Variants in ASTN2 observed in about 807,000 individuals in gnomAD.
The protein encoded by ASTN2 is astrotactin 2.
Under a neutral mutation model 139.8 loss-of-function variants are expected in ASTN2, and 54 were observed. That is an observed-to-expected ratio of 0.39 (90% confidence interval 0.31 to 0.48). The LOEUF (loss-of-function observed/expected upper bound fraction) is 0.48, where lower values mean the gene tolerates loss of function less well. Ranked by LOEUF, ASTN2 falls within the 20% of genes least tolerant of loss-of-function variation. The pLI is 0.95. For synonymous variants in ASTN2, 756 were observed against 719.5 expected, an observed-to-expected ratio of 1.05 and a Z score of -0.81; for missense variants, 1,565 against 1,725.1, an observed-to-expected ratio of 0.91 and a Z score of 1.64.
intron 19 of ASTN2, among the ~76,000 whole-genome samples, chr9:116,506,258 A>C (rs747511112): frequency 3.4e-4 from 51 of 152,162 alleles, no homozygotes; most frequent in Non-Finnish European, 6.5e-4. Context: ...CACACTTTAC[A>C]TGTGAATAAA....
intron 5 of ASTN2, among the ~76,000 whole-genome samples, chr9:117,055,689 A>G (rs192431174): frequency 1.3e-5 from 2 of 152,350 alleles, no homozygotes; most frequent in Admixed American, 1.3e-4. Flanking sequence ...GTCTTCGAGT[A>G]CATGGACGTG....
intron 12 of ASTN2, 33 bp downstream of exon 12, chr9:116,820,584 T>C (rs1172505729): frequency 2.5e-6 from 4 of 1,602,518 alleles, no homozygotes; most frequent in Admixed American, 1.7e-5. Context: ...CTTCTGTAAA[T>C]GGGGCACCTG....
chr9:116,738,486 A>T (rs1829005825), intron 13 of ASTN2, among the ~76,000 whole-genome samples: 3 of 152,146 alleles, frequency 2.0e-5, no homozygotes, highest in Non-Finnish European at 2.9e-5. Context: ...AAGAAAAAAA[A>T]AAAAAGACTA....
Position 117,087,289 on chromosome 9 carries a change from C to A in ASTN2, c.1276+8755G>T, listed in dbSNP as rs930676867. On this transcript the variant is annotated intron_variant, in intron 5 of 22. Coordinates refer to ENST00000313400, the MANE Select transcript of ASTN2 (RefSeq NM_001365068.1). ...TCACTCTGATGCCCAGTCTTTAGTG[C>A]AGAGGTGCAATCATGGCTCACTGCA... 5.9e-5 allele frequency among the ~76,000 whole-genome samples: 9 copies of A among 151,842 alleles called. No homozygotes were observed. The South Asian group carries it at 1.9e-3, about 32-fold the overall frequency.
chr9:116,773,414 A>T (rs1429180849), intron 13 of ASTN2, among the ~76,000 whole-genome samples: 2 of 152,168 alleles, frequency 1.3e-5, no homozygotes, highest in African/African-American at 4.8e-5. Context: ...TCTAAGAAGG[A>T]AATGCTGTAG....
intron 13 of ASTN2, among the ~76,000 whole-genome samples, chr9:116,766,431 C>T (rs915764197): frequency 6.6e-6 from 1 of 151,970 alleles, no homozygotes; most frequent in African/African-American, 2.4e-5. Context: ...TACATTCACA[C>T]TCACACATAA....
chr9:117,388,607 C>A (rs1351885877), intron 1 of ASTN2, among the ~76,000 whole-genome samples: 5 of 152,174 alleles, frequency 3.3e-5, no homozygotes. Flanking sequence ...TGGTTGCAGA[C>A]CAACTGATAG....
At chr9:116,949,240 C>T (rs1835490182) in intron 10 of ASTN2, among the ~76,000 whole-genome samples, 1 of 152,140 alleles carries the variant, frequency 6.6e-6, no homozygotes, top group Admixed American at 6.5e-5. Flanking sequence ...TGCTCCTGAG[C>T]TTGGTGGCCA....
intron 13 of ASTN2, among the ~76,000 whole-genome samples, chr9:116,768,816 A>T (rs1316795730): frequency 6.6e-6 from 1 of 152,208 alleles, no homozygotes; most frequent in African/African-American, 2.4e-5. Flanking sequence ...TATAAGAAAT[A>T]AATTTATGTT....
intron 4 of ASTN2, among the ~76,000 whole-genome samples, chr9:117,106,072 T>G (rs542939102): frequency 2.0e-5 from 3 of 152,154 alleles, no homozygotes; most frequent in Non-Finnish European, 4.4e-5. Context: ...TGGTCAGGTA[T>G]TAAGTTCCGT....
chr9:116,985,666 G>A (rs907309685), intron 7 of ASTN2, among the ~76,000 whole-genome samples: 3 of 152,210 alleles, frequency 2.0e-5, no homozygotes, highest in South Asian at 2.1e-4. Flanking sequence ...AGTATGGAGT[G>A]GGGTGAAGAA....
intron 1 of ASTN2, among the ~76,000 whole-genome samples, chr9:117,384,096 G>A (rs1830337303): frequency 6.6e-6 from 1 of 152,186 alleles, no homozygotes; most frequent in Non-Finnish European, 1.5e-5. Context: ...TATCGGTAGA[G>A]CAGCTCAAAT....
At chr9:117,162,116 GA>G (rs1205273037) in intron 3 of ASTN2, among the ~76,000 whole-genome samples, 5 of 152,032 alleles carry the variant, frequency 3.3e-5, no homozygotes, top group African/African-American at 1.2e-4. Context: ...TAGATCATGA[GA>G]AAAGCAGATA....
intron 19 of ASTN2, among the ~76,000 whole-genome samples, chr9:116,567,404 T>C (rs1037901990): frequency 1.3e-5 from 2 of 152,150 alleles, no homozygotes; most frequent in East Asian, 3.9e-4. Flanking sequence ...CTCTTCTCAG[T>C]TGGCGGGGTG....
chr9:117,083,870 G>A (rs1828493319), intron 5 of ASTN2, among the ~76,000 whole-genome samples: 2 of 152,094 alleles, frequency 1.3e-5, no homozygotes, highest in Admixed American at 6.6e-5. Context: ...ACAGGAAGAG[G>A]AGTACAGAGA....
chr9:116,663,633 G>A (rs1263492721), intron 16 of ASTN2, among the ~76,000 whole-genome samples: 3 of 152,110 alleles, frequency 2.0e-5, no homozygotes, highest in African/African-American at 7.2e-5. Flanking sequence ...GGATCAATGA[G>A]CCCACTCAAC....
chr9:116,838,831 C>A (rs1009163616), intron 11 of ASTN2, among the ~76,000 whole-genome samples: 9 of 152,294 alleles, frequency 5.9e-5, no homozygotes, highest in African/African-American at 2.2e-4. Context: ...TCAGAGAAGA[C>A]TTTCAGTGCT....
intron 6 of ASTN2, among the ~76,000 whole-genome samples, chr9:117,024,424 A>G (rs1472281382): frequency 2.6e-5 from 4 of 151,238 alleles, no homozygotes; most frequent in African/African-American, 7.3e-5. Flanking sequence ...TTAAAAAGTT[A>G]TTGTTAAAAG....
chr9:116,596,816 G>C (rs944400472), intron 19 of ASTN2, among the ~76,000 whole-genome samples: 1 of 152,090 alleles, frequency 6.6e-6, no homozygotes, highest in Non-Finnish European at 1.5e-5. Context: ...TAAGACTCAC[G>C]TGCTTAATCC....
Sources: allele counts gnomAD v4.1 joint callset (sites outside exome capture counted in the v4.1 genomes callset), GRCh38; gene constraint gnomAD v4.1.1; transcripts MANE v1.5; gene names NCBI Gene and HGNC (gene_info 2026-07-23, HGNC 2026-07-21).